Variants in GRID2 observed in about 807,000 individuals in gnomAD.
GRID2 encodes glutamate ionotropic receptor delta type subunit 2.
A neutral mutation model predicts 114.8 loss-of-function variants in GRID2; 33 were observed. That is an observed-to-expected ratio of 0.29 (90% CI 0.22 to 0.38). The LOEUF (loss-of-function observed/expected upper bound fraction) is 0.38. GRID2 is among the 10% of genes least tolerant of loss of function. The probability of loss-of-function intolerance (pLI) is 1.00; values close to 1 mark genes in which losing one functional copy is unlikely to be tolerated. For synonymous variants in GRID2, 505 were observed against 449.9 expected (o/e 1.12, Z -1.55); for missense variants, 1,184 against 1,257.7 (o/e 0.94, Z 0.89).
intron 2 of GRID2, among the ~76,000 whole-genome samples, chr4:92,735,721 T>C (rs1736558968): frequency 1.3e-5 from 2 of 152,106 alleles, no homozygotes; most frequent in Non-Finnish European, 2.9e-5. Flanking sequence ...AAATTTTATT[T>C]GCATGAAACT....
rs1740602833 is a variant in GRID2, at chr4:93,608,719, C to A, written c.2194-17550C>A. 3.7e-5 allele frequency among the ~76,000 whole-genome samples: 5 copies of A among 136,512 alleles called. No homozygotes were observed. In the South Asian group the frequency reaches 1.2e-3, roughly 33 times the overall value. The allele number at this position is 136,512 out of a possible 152,430, so 89.6% of individuals were successfully genotyped here. On this transcript the variant is annotated intron_variant, in intron 13 of 15. Transcript: ENST00000282020. The stretch of plus-strand genomic sequence containing the variant: ...CTTAATCTAGTCTATCATTGTTGGA[C>A]ATTTGGGTTGGTTCCAAGTCTTTGC...
chr4:93,766,417 A>T (rs1326708871), intron 14 of GRID2, among the ~76,000 whole-genome samples: 3 of 152,148 alleles, frequency 2.0e-5, no homozygotes, highest in Non-Finnish European at 2.9e-5. Flanking sequence ...GAGACTCACT[A>T]TCACAAGAAC....
chr4:93,272,430 T>G (rs1284131649), intron 8 of GRID2, among the ~76,000 whole-genome samples: 1 of 152,102 alleles, frequency 6.6e-6, no homozygotes, highest in Non-Finnish European at 1.5e-5. Context: ...CAGAGGTGGG[T>G]GCACTTTCAA....
At chr4:92,442,420 G>T (rs564556364) in intron 1 of GRID2, among the ~76,000 whole-genome samples, 117 of 151,992 alleles carry the variant, frequency 7.7e-4, no homozygotes, top group African/African-American at 2.4e-3. Context: ...TTTCCGGCAA[G>T]TGTAGCAAGC....
At chr4:92,830,848 G>A (rs1412168216) in intron 2 of GRID2, among the ~76,000 whole-genome samples, 1 of 152,122 alleles carries the variant, frequency 6.6e-6, no homozygotes, top group South Asian at 2.1e-4. Flanking sequence ...TTAAGTATCT[G>A]GGTATTGCAA....
chr4:92,692,095 C>A (rs1160700590), intron 2 of GRID2, among the ~76,000 whole-genome samples: 1 of 151,976 alleles, frequency 6.6e-6, no homozygotes, highest in Non-Finnish European at 1.5e-5. Context: ...TATTAGAGCC[C>A]CCTACCAACA....
chr4:93,042,037 G>T (rs911440137), intron 2 of GRID2, among the ~76,000 whole-genome samples: 1 of 151,696 alleles, frequency 6.6e-6, no homozygotes, highest in African/African-American at 2.4e-5. Context: ...TGAGTAGCTG[G>T]GACTACAGGT....
At chr4:93,711,423 T>A (rs1231637159) in intron 14 of GRID2, among the ~76,000 whole-genome samples, 1 of 152,186 alleles carries the variant, frequency 6.6e-6, no homozygotes, top group Non-Finnish European at 1.5e-5. Context: ...TGCTGTATTT[T>A]ACTGAGATTG....
At chr4:92,675,722 G>A (rs1034191708) in intron 2 of GRID2, among the ~76,000 whole-genome samples, 8 of 151,346 alleles carry the variant, frequency 5.3e-5, no homozygotes, top group Non-Finnish European at 8.9e-5. Flanking sequence ...GGCTAATTTT[G>A]TTTTTGTATT....
At chr4:93,249,382 A>C (rs546024187) in intron 8 of GRID2, among the ~76,000 whole-genome samples, 1 of 152,148 alleles carries the variant, frequency 6.6e-6, no homozygotes, top group East Asian at 1.9e-4. Context: ...TATGAAAATT[A>C]AAGTAGTTTT....
intron 2 of GRID2, among the ~76,000 whole-genome samples, chr4:92,977,765 G>A (rs539284955): frequency 2.0e-5 from 3 of 152,252 alleles, no homozygotes; most frequent in South Asian, 4.1e-4. Flanking sequence ...TCCTGGTCAG[G>A]TGGATATGGA....
intron 2 of GRID2, among the ~76,000 whole-genome samples, chr4:92,854,915 A>G (rs1026026721): frequency 2.6e-5 from 4 of 152,050 alleles, no homozygotes; most frequent in African/African-American, 9.7e-5. Context: ...TTACTTCAAA[A>G]TATCCATTTG....
At chr4:93,171,552 C>A (rs566180535) in intron 4 of GRID2, among the ~76,000 whole-genome samples, 12 of 152,226 alleles carry the variant, frequency 7.9e-5, no homozygotes, top group Admixed American at 2.0e-4. Flanking sequence ...GCTTCATGAA[C>A]AAACAGATTT....
chr4:93,611,871 G>T (rs1383363806), intron 13 of GRID2, among the ~76,000 whole-genome samples: 2 of 151,746 alleles, frequency 1.3e-5, no homozygotes, highest in Admixed American at 6.6e-5. Flanking sequence ...GGGTATCCTT[G>T]TTGACTTTCT....
intron 1 of GRID2, among the ~76,000 whole-genome samples, chr4:92,474,938 CTTCA>C (rs1483107374): frequency 9.6e-6 from 1 of 103,922 alleles, no homozygotes; most frequent in Non-Finnish European, 1.7e-5. Flanking sequence ...TAGTTTGTCT[CTTCA>C]TTCGGTTGAT....
At chr4:93,016,895 A>G (rs1368630858) in intron 2 of GRID2, among the ~76,000 whole-genome samples, 1 of 152,096 alleles carries the variant, frequency 6.6e-6, no homozygotes, top group Non-Finnish European at 1.5e-5. Context: ...TTTTTTTTAA[A>G]TGACTTTCTT....
chr4:92,544,120 A>T (rs1176255576), intron 1 of GRID2, among the ~76,000 whole-genome samples: 1 of 152,124 alleles, frequency 6.6e-6, no homozygotes, highest in Non-Finnish European at 1.5e-5. Flanking sequence ...CAGAGGTGAT[A>T]AATATCTGCA....
intron 3 of GRID2, among the ~76,000 whole-genome samples, chr4:93,100,735 A>C (rs1731621039): frequency 6.6e-6 from 1 of 151,684 alleles, no homozygotes; most frequent in African/African-American, 2.4e-5. Flanking sequence ...TACATGATTA[A>C]AAAGATTAAA....
At chr4:92,402,641 G>A (rs1226944358) in intron 1 of GRID2, among the ~76,000 whole-genome samples, 1 of 152,148 alleles carries the variant, frequency 6.6e-6, no homozygotes, top group East Asian at 1.9e-4. Flanking sequence ...AACATATTCA[G>A]TAAACCATGC....
Sources: allele counts gnomAD v4.1 joint callset (sites outside exome capture counted in the v4.1 genomes callset), GRCh38; gene constraint gnomAD v4.1.1; transcripts MANE v1.5; gene names NCBI Gene and HGNC (gene_info 2026-07-23, HGNC 2026-07-21).